CFAP43: variants seen among roughly 807,000 people sequenced by gnomAD.
CFAP43 encodes cilia and flagella associated protein 43.
CFAP43 carries 155 observed loss-of-function variants against 218.9 expected under a neutral mutation model. The ratio of observed to expected loss-of-function variants is 0.71; its 90% confidence interval spans 0.62 to 0.81. CFAP43 has a LOEUF of 0.81. Among genes scored for constraint, CFAP43 ranks in the 30% least tolerant of loss-of-function variants. CFAP43 has a pLI of 0.00. For synonymous variants in CFAP43, 645 were observed against 681.3 expected, an observed-to-expected ratio of 0.95 and a Z score of 0.83; for missense variants, 1,778 against 1,954.3, an observed-to-expected ratio of 0.91 and a Z score of 1.70.
At chr10:104,206,231 G>A (rs187638375) in intron 6 of CFAP43, among the ~76,000 whole-genome samples, 1 of 152,308 alleles carries the variant, frequency 6.6e-6, no homozygotes, top group East Asian at 1.9e-4. Flanking sequence ...AAAGGGAAGA[G>A]AGAAAGGGAG....
chr10:104,133,883 CAG>C, intron 34 of CFAP43, 99 bp from the exon 35 acceptor site: 1 of 1,122,260 alleles, frequency 8.9e-7, no homozygotes, highest in Non-Finnish European at 1.2e-6. Flanking sequence ...ACTTGGGTCA[CAG>C]AGATAATTCT....
chr10:104,170,039 G>C (rs2089342834), intron 20 of CFAP43, among the ~76,000 whole-genome samples: 1 of 152,104 alleles, frequency 6.6e-6, no homozygotes, highest in Middle Eastern at 3.2e-3. Context: ...TTGACTGGCA[G>C]GTGCCACTAA....
At chr10:104,192,396 GC>G in intron 11 of CFAP43, 94 bp from the exon 12 acceptor site, 1 of 943,108 alleles carries the variant, frequency 1.1e-6, no homozygotes, top group Middle Eastern at 2.6e-4. Flanking sequence ...TATGTTCAAA[GC>G]CAGTCATTTT....
At chr10:104,131,168 C>A (rs2087172646) in intron 37 of CFAP43, among the ~76,000 whole-genome samples, 163 bp downstream of exon 37, 1 of 152,036 alleles carries the variant, frequency 6.6e-6, no homozygotes, top group South Asian at 2.1e-4. Context: ...AAGTAACAAA[C>A]TTGTACATGT....
intron 20 of CFAP43, among the ~76,000 whole-genome samples, chr10:104,171,983 T>G (rs1016621654): frequency 6.6e-6 from 1 of 152,226 alleles, no homozygotes; most frequent in African/African-American, 2.4e-5. Context: ...TGGAAATTTC[T>G]AATCCTCTAC....
chr10:104,196,879 C>T lies in CFAP43; in HGVS notation c.1267G>A (p.Val423Ile), dbSNP rs1373747388. 1 of 1,612,940 alleles carries T rather than the reference C, an allele frequency of 6.2e-7. No homozygotes were observed. The highest frequency in any genetic ancestry group is 1.1e-5 in the South Asian group (1 of 90,922). Residue 423 changes from valine (V) to isoleucine (I), a missense_variant, in exon 10 of 38, where the codon GTA (valine) becomes ATA (isoleucine). By Grantham distance (29) the Val-to-Ile change is conservative (BLOSUM62 3). Around this residue, in one of 3 missense-constraint regions of CFAP43, gnomAD observed 1,553 missense variants for 1,685.2 expected, o/e 0.92. Coordinates refer to ENST00000357060, the MANE Select transcript of CFAP43 (RefSeq NM_025145.7). The stretch of plus-strand genomic sequence containing the variant: ...AGGGTATTCAGATAAATCTTGCTTA[C>T]ACAAGCACAATCCTCCAGCCACCAA... Reference protein sequence around the residue: ...CVWWLEDCACVSKIYLNTLAT... With the variant: ...CVWWLEDCACISKIYLNTLAT...
In CFAP43 at chr10:104,161,906, T is replaced by A. The variant is rs192480226; in HGVS notation, c.3414+55A>T. On this transcript the variant is annotated intron_variant, in intron 26 of 37. Coordinates refer to ENST00000357060, the MANE Select transcript of CFAP43 (RefSeq NM_025145.7). ...TATATAGGACAAAAATGGTAAAACT[T>A]AAGTAGCTCTTTCCACCCCATTCCA... 1.9e-6 allele frequency: 3 copies of A among 1,538,572 alleles called. No individual in the cohort carries two copies. In the East Asian group the frequency reaches 6.7e-5, roughly 35 times the overall value.
intron 14 of CFAP43, 152 bp downstream of exon 14, chr10:104,187,168 A>G: frequency 1.9e-6 from 1 of 527,706 alleles, no homozygotes; most frequent in Non-Finnish European, 2.9e-6. Flanking sequence ...ATAACACTAT[A>G]TATCTAGCTC....
chr10:104,214,011 A>G (rs1352581329), intron 4 of CFAP43, among the ~76,000 whole-genome samples: 1 of 152,236 alleles, frequency 6.6e-6, no homozygotes, highest in Non-Finnish European at 1.5e-5. Flanking sequence ...AGAGAACTTA[A>G]TATTTTAAAT....
At chr10:104,199,262 T>C (rs1354616926) in intron 8 of CFAP43, among the ~76,000 whole-genome samples, 1 of 152,330 alleles carries the variant, frequency 6.6e-6, no homozygotes, top group Admixed American at 6.5e-5. Context: ...TAATATAATA[T>C]GGTCACTTAA....
Position 104,142,409 on chromosome 10 carries a change from C to T in CFAP43, c.4159-16G>A, listed in dbSNP as rs73331577. The T allele has an allele frequency of 3.8e-4, 612 of 1,602,856 alleles. 4 individuals are homozygous for T. In the African/African-American group the frequency reaches 7.6e-3, roughly 20 times the overall value. Reference sequence around the variant, plus strand: ...TCTGCTTTACCTAAAGAAACCAAGCCAGAAACATGTCAGAACATATGGAGC... The same window carrying T: ...TCTGCTTTACCTAAAGAAACCAAGCTAGAAACATGTCAGAACATATGGAGC... On this transcript the variant is annotated splice_polypyrimidine_tract_variant and intron_variant, in intron 32 of 37. Coordinates refer to ENST00000357060, the MANE Select transcript of CFAP43 (RefSeq NM_025145.7).
chr10:104,189,878 C>CA (rs964962027), intron 12 of CFAP43, among the ~76,000 whole-genome samples: 14 of 151,774 alleles, frequency 9.2e-5, no homozygotes, highest in African/African-American at 3.4e-4. Context: ...AACAAACAAA[C>CA]AAAAAAAGGC....
At chr10:104,184,488 G>A (rs1376003529) in intron 16 of CFAP43, among the ~76,000 whole-genome samples, 3 of 142,418 alleles carry the variant, frequency 2.1e-5, no homozygotes, top group Non-Finnish European at 4.5e-5. Context: ...GTATTTTGAT[G>A]CTCTGATATC....
rs371324791 is a variant in CFAP43 at position 104,212,106 on chromosome 10, G to A, written c.636C>T (p.Val212=). The A allele has an allele frequency of 5.1e-5, 83 of 1,613,862 alleles. No individual in the cohort carries two copies. The highest frequency in any genetic ancestry group is 2.5e-4 in the Admixed American group (15 of 59,978). Residue 212 remains valine, a synonymous_variant, in exon 5 of 38, where the codon GTC becomes GTT. Transcript: ENST00000357060. ...EDGSFFNETD[V]VFPQSLPKDL... ...CTTTCGGCAACGACTGGGGGAAAAC[G>A]ACATCCGTTTCATTAAAAAATGACC...
At chr10:104,132,243 A>G (rs762855786) in intron 35 of CFAP43, 47 bp from the exon 36 acceptor site, 2 of 1,311,492 alleles carry the variant, frequency 1.5e-6, no homozygotes, top group Non-Finnish European at 2.1e-6. Flanking sequence ...CTCTCTTTCA[A>G]TAGATGACTT....
intron 12 of CFAP43, among the ~76,000 whole-genome samples, chr10:104,190,111 G>A (rs901632742): frequency 7.5e-5 from 11 of 146,024 alleles, no homozygotes; most frequent in Non-Finnish European, 8.9e-5. Context: ...ACTCCAGCCT[G>A]GGCGACAGAG....
At position 104,130,218 on chromosome 10, in the gene CFAP43, T is replaced by G. The variant is rs2087114275; in HGVS notation, c.4919A>C (p.Gln1640Pro). The G allele has an allele frequency of 1.2e-6, 2 of 1,613,206 alleles. No individual in the cohort carries two copies. The highest frequency in any genetic ancestry group is 2.2e-5 in the South Asian group (2 of 90,752). The stretch of plus-strand genomic sequence containing the variant: ...CTGTAGTATTGAAATCTGTTCAGCT[T>G]GTTGTTTTGAAATATTTGTTAACTT... ...QQKLTNISKQQAEQISILQTE... is the reference protein window; with the variant it reads ...QQKLTNISKQPAEQISILQTE... The change falls in exon 38 of 38, where the codon CAA becomes CCA. Residue 1640 changes from glutamine to proline, a missense_variant. Transcript: ENST00000357060.
intron 24 of CFAP43, 48 bp downstream of exon 24, chr10:104,164,046 G>GA: frequency 6.3e-7 from 1 of 1,591,854 alleles, no homozygotes; most frequent in Non-Finnish European, 8.6e-7. Flanking sequence ...AGGAGCTGGG[G>GA]AAAGTCTCCT....
chr10:104,219,564 T>C (rs1055026709), intron 3 of CFAP43, among the ~76,000 whole-genome samples: 2 of 152,234 alleles, frequency 1.3e-5, no homozygotes, highest in African/African-American at 4.8e-5. Context: ...AATTTGTCCA[T>C]TAGCCTAGCT....
Sources: allele counts gnomAD v4.1 joint callset (sites outside exome capture counted in the v4.1 genomes callset), GRCh38; gene constraint gnomAD v4.1.1; regional missense constraint gnomAD v4.1.1; transcripts MANE v1.5; gene names NCBI Gene and HGNC (gene_info 2026-07-23, HGNC 2026-07-21).